STAT5A: variants seen among roughly 807,000 people sequenced by gnomAD.
STAT5A encodes the protein signal transducer and activator of transcription 5A.
In STAT5A, 26 loss-of-function variants were observed where a neutral mutation model predicts 100.2. The observed-to-expected ratio is 0.26, with a 90% CI of 0.19 to 0.36. The LOEUF (loss-of-function observed/expected upper bound fraction) is 0.36, where lower values mean the gene tolerates loss of function less well. Among genes scored for constraint, STAT5A ranks in the 10% least tolerant of loss-of-function variants. The probability of loss-of-function intolerance (pLI) is 1.00; values close to 1 mark genes in which losing one functional copy is unlikely to be tolerated. For missense variants in STAT5A, 634 were observed against 1,027.5 expected, an observed-to-expected ratio of 0.62 and a Z score of 5.24; for synonymous variants, 330 against 424.3, an observed-to-expected ratio of 0.78 and a Z score of 2.73.
At chr17:42,305,820 G>A in intron 12 of STAT5A, 118 bp downstream of exon 12, 1 of 1,072,080 alleles carries the variant, frequency 9.3e-7, no homozygotes, top group Non-Finnish European at 1.3e-6. Flanking sequence ...CCAGCCCAGA[G>A]GTGAGGTGAG....
At chr17:42,300,107 G>T in intron 6 of STAT5A, 23 bp from the exon 7 acceptor site, 6 of 1,321,378 alleles carry the variant, frequency 4.5e-6, no homozygotes, top group Non-Finnish European at 6.1e-6. Context: ...CCCAGAAGGG[G>T]CTGCTCTCCT....
At chr17:42,292,338 CTTTTTTT>C (rs1044304735) in intron 4 of STAT5A, among the ~76,000 whole-genome samples, 1 of 150,200 alleles carries the variant, frequency 6.7e-6, no homozygotes, top group Non-Finnish European at 1.5e-5. Context: ...TTTCTTTTTT[CTTTTTTT>C]TGAGACGGAT....
chr17:42,291,740 G>A (rs1158955645), intron 3 of STAT5A, among the ~76,000 whole-genome samples: 1 of 151,438 alleles, frequency 6.6e-6, no homozygotes. Flanking sequence ...AAAAAAAAGA[G>A]AAAGTGCCTC....
chr17:42,305,750 T>G, intron 12 of STAT5A, 48 bp downstream of exon 12: 1 of 1,579,538 alleles, frequency 6.3e-7, no homozygotes, highest in Non-Finnish European at 8.7e-7. Flanking sequence ...GCCCTAGGAC[T>G]CACCTGGGGT....
At chr17:42,295,482 T>TCCTTCTTGCCCTAGTTTC in intron 4 of STAT5A, 137 bp from the exon 5 acceptor site, 1 of 866,350 alleles carries the variant, frequency 1.2e-6, no homozygotes, top group East Asian at 2.7e-5. Context: ...AAATGATCCT[T>TCCTTCTTGCCCTAGTTTC]CCTTCTTGCC....
chr17:42,294,613 G>A (rs529420200), intron 4 of STAT5A, among the ~76,000 whole-genome samples: 36 of 152,224 alleles, frequency 2.4e-4, no homozygotes, highest in Non-Finnish European at 4.6e-4. Context: ...ACCAGTTAAA[G>A]TGCTTTGCCT....
intron 13 of STAT5A, among the ~76,000 whole-genome samples, chr17:42,306,853 G>C (rs1300627131): frequency 1.3e-5 from 2 of 152,040 alleles, no homozygotes; most frequent in African/African-American, 4.8e-5. Flanking sequence ...CTGAGTAGCT[G>C]GAATTATAGG....
rs143308879 is a variant in STAT5A, at chr17:42,307,689, C to T, written c.1872C>T (p.Ile624=). The change falls in exon 15 of 19, where the codon ATC becomes ATT. Residue 624 remains isoleucine, a synonymous_variant. Transcript: ENST00000590949. ...TGTTGCGCTTTAGTGACTCAGAAATCGGGGGCATCACCATCGCCTGGAAGT... is the reference window on the plus strand; with the variant it reads ...TGTTGCGCTTTAGTGACTCAGAAATTGGGGGCATCACCATCGCCTGGAAGT... The part of the protein sequence containing the change: ...TFLLRFSDSE[I]GGITIAWKFD... 49 of 1,614,048 alleles carry T rather than the reference C, an allele frequency of 3.0e-5. No individual in the cohort carries two copies. In the South Asian group the frequency reaches 3.2e-4, roughly 10 times the overall value.
In STAT5A at chr17:42,290,962, A is replaced by G. The variant is rs369393604; in HGVS notation, c.285+940A>G. 1.2e-4 allele frequency among the ~76,000 whole-genome samples: 19 copies of G among 152,314 alleles called. No individual in the cohort carries two copies. In the South Asian group the frequency reaches 2.1e-3, roughly 17 times the overall value. ...GGTGGTTTCTGGATGATTCAAGAGCATCACGTTTATTGTGCACTTTATTTC... is the reference window on the plus strand; with the variant it reads ...GGTGGTTTCTGGATGATTCAAGAGCGTCACGTTTATTGTGCACTTTATTTC... On this transcript the variant is annotated intron_variant, in intron 3 of 18. Transcript: ENST00000590949.
Position 42,295,513 on chromosome 17 carries a change from AGTTTGGG to A in STAT5A, c.376-89_376-83del, listed in dbSNP as rs979807726. 7.7e-5 allele frequency: 93 copies of A among 1,205,580 alleles called. No homozygotes were observed. The African/African-American group carries it at 9.3e-4, about 12-fold the overall frequency. The allele number at this position is 1,205,580 out of a possible 1,614,324, so 74.7% of individuals were successfully genotyped here. On this transcript the variant is annotated intron_variant, in intron 4 of 18. Transcript: ENST00000590949. ...TTGCCCTAGTTTCCCTTCTTACCCT[AGTTTGGG>A]GTTTGGGGTTTGGGGTCTGTAGTAT...
chr17:42,300,592 C>T (rs1305599937), intron 7 of STAT5A, 123 bp from the exon 8 acceptor site: 18 of 877,126 alleles, frequency 2.1e-5, no homozygotes, highest in Non-Finnish European at 3.0e-5. Context: ...TCTGCTCTTC[C>T]CATGGGTGGG....
intron 9 of STAT5A, among the ~76,000 whole-genome samples, chr17:42,303,776 A>G (rs896550575): frequency 6.6e-6 from 1 of 152,068 alleles, no homozygotes; most frequent in African/African-American, 2.4e-5. Flanking sequence ...GGGTGAGGAA[A>G]GGTCAGCTTG....
chr17:42,290,520 G>A (rs2080860210), intron 3 of STAT5A, among the ~76,000 whole-genome samples: 1 of 152,208 alleles, frequency 6.6e-6, no homozygotes, highest in Non-Finnish European at 1.5e-5. Context: ...AGCAGGAAAG[G>A]GGTGTGGGTA....
chr17:42,299,938 G>C, intron 6 of STAT5A, 57 bp downstream of exon 6: 1 of 1,551,640 alleles, frequency 6.4e-7, no homozygotes, highest in Non-Finnish European at 8.7e-7. Context: ...AGTCTCTGGG[G>C]ACCCGAGGGA....
intron 5 of STAT5A, among the ~76,000 whole-genome samples, chr17:42,299,507 G>A (rs2080953778): frequency 6.6e-6 from 1 of 152,202 alleles, no homozygotes; most frequent in African/African-American, 2.4e-5. Flanking sequence ...CTCCCCAGCT[G>A]CCCCAGCACC....
intron 7 of STAT5A, 69 bp from the exon 8 acceptor site, chr17:42,300,646 G>A: frequency 6.2e-7 from 1 of 1,612,928 alleles, no homozygotes; most frequent in Non-Finnish European, 8.5e-7. Flanking sequence ...AACGGGAGCT[G>A]TGTCTTGGGG....
At position 42,308,939 on chromosome 17, in the gene STAT5A, G is replaced by A; in HGVS notation, c.2063-108G>A. On this transcript the variant is annotated intron_variant, in intron 16 of 18. Transcript: ENST00000590949. The surrounding 1 kb of genome is among the most constrained non-coding windows in gnomAD (Gnocchi z 4.6). Reference sequence around the variant, plus strand: ...CCTTGGGAAATCTCATCCCAGCTGAGAACACAAGGTGATGTGAGCAGGAGG... The same window carrying A: ...CCTTGGGAAATCTCATCCCAGCTGAAAACACAAGGTGATGTGAGCAGGAGG... 7.1e-7 allele frequency: 1 copy of A among 1,415,670 alleles called. No homozygotes were observed. The highest frequency in any genetic ancestry group is 1.7e-5 in the Admixed American group (1 of 58,126). The allele number at this position is 1,415,670 out of a possible 1,614,324, so 87.7% of individuals were successfully genotyped here.
chr17:42,302,107 A>G (rs984192195), intron 9 of STAT5A, among the ~76,000 whole-genome samples: 2 of 152,254 alleles, frequency 1.3e-5, no homozygotes, highest in African/African-American at 2.4e-5. Context: ...TTGATACTAC[A>G]GTGAGGTATG....
intron 2 of STAT5A, 96 bp downstream of exon 2, chr17:42,289,635 T>A (rs1175804488): frequency 8.6e-6 from 13 of 1,506,714 alleles, no homozygotes; most frequent in Non-Finnish European, 1.2e-5. Context: ...GTGACTCTGG[T>A]CCTGCCTGTC....
Sources: gnomAD v4.1 joint callset for allele counts (sites outside exome capture counted in the v4.1 genomes callset) on GRCh38, gnomAD v4.1.1 for gene constraint, Gnocchi (gnomAD v3.1) non-coding constraint, MANE v1.5 for transcripts, NCBI Gene and HGNC (gene_info 2026-07-23, HGNC 2026-07-21) for gene names.